Variants in INHBA observed in about 807,000 individuals in gnomAD.
INHBA encodes inhibin beta A chain.
In INHBA, 1 loss-of-function variant was observed where a neutral mutation model predicts 29.0. The observed-to-expected ratio is 0.03, with a 90% CI of 0.01 to 0.16. The LOEUF (loss-of-function observed/expected upper bound fraction) is 0.16, where lower values mean the gene tolerates loss of function less well. INHBA is among the 10% of genes least tolerant of loss of function. The probability of loss-of-function intolerance (pLI) is 1.00; values close to 1 mark genes in which losing one functional copy is unlikely to be tolerated. For synonymous variants in INHBA, 242 were observed against 216.8 expected, an observed-to-expected ratio of 1.12 and a Z score of -1.02; for missense variants, 376 against 545.4, an observed-to-expected ratio of 0.69 and a Z score of 3.09.
At chr7:41,699,102 A>G (rs1411613272) in intron 2 of INHBA, among the ~76,000 whole-genome samples, 1 of 152,208 alleles carries the variant, frequency 6.6e-6, no homozygotes, top group Non-Finnish European at 1.5e-5. Flanking sequence ...CATACTTTTG[A>G]CAGGTATTGC....
At chr7:41,699,866 T>A in intron 2 of INHBA, 121 bp downstream of exon 2, 1 of 748,280 alleles carries the variant, frequency 1.3e-6, no homozygotes. Context: ...TAATAACTAA[T>A]AACCTTCCCA....
At chr7:41,693,560 A>G (rs1794569130) in intron 2 of INHBA, among the ~76,000 whole-genome samples, 1 of 152,168 alleles carries the variant, frequency 6.6e-6, no homozygotes, top group African/African-American at 2.4e-5. Context: ...CTGATGCATG[A>G]TCTAGCCCCA....
In INHBA at chr7:41,690,245, C is replaced by T. The variant is rs138819536; in HGVS notation, c.686G>A (p.Arg229Gln). 6,105 of 1,613,968 alleles carry T rather than the reference C, an allele frequency of 3.8e-3. 15 individuals are homozygous for T. The highest frequency in any genetic ancestry group is 4.7e-3 in the Non-Finnish European group (5,541 of 1,179,998). Residue 229 changes from arginine to glutamine, a missense_variant, in exon 3 of 3, where the codon CGG becomes CAG. Arg to Gln is a conservative substitution (Grantham distance 43). Around this residue, in one of 4 missense-constraint regions of INHBA, gnomAD observed 253 missense variants for 313.4 expected, o/e 0.81. Coordinates refer to ENST00000242208, the MANE Select transcript of INHBA (RefSeq NM_002192.4). ...GGAGCTCTTGCCCTGGTCCAGCAAC[C>T]GCTGGATGCTGCTGGAGACAGGGAA... is the stretch of plus-strand genomic sequence containing the variant. Reference protein sequence around the residue: ...HVFPVSSSIQRLLDQGKSSLD... With the variant: ...HVFPVSSSIQQLLDQGKSSLD...
At chr7:41,699,942 C>CT in intron 2 of INHBA, 45 bp downstream of exon 2, 1 of 141,010 alleles carries the variant, frequency 7.1e-6, no homozygotes, top group Non-Finnish European at 1.5e-5. Flanking sequence ...ATTTTACCCT[C>CT]CCACCCCCCA....
Position 41,688,051 on chromosome 7 carries a change from A to G in INHBA, c.*1599T>C, listed in dbSNP as rs916348629. 2 of 152,182 alleles carry G rather than the reference A, an allele frequency of 1.3e-5. No individual in the cohort carries two copies. The highest frequency in any genetic ancestry group is 2.1e-4 in the South Asian group (1 of 4,834). The allele number at this position is 152,182 out of a possible 1,614,324, so 9.4% of individuals were successfully genotyped here. A position where few individuals can be genotyped will look rare whatever the true frequency, so the allele number is the denominator to read the frequency against. On this transcript the variant is annotated 3_prime_UTR_variant, in exon 3 of 3. Coordinates refer to ENST00000242208, the MANE Select transcript of INHBA (RefSeq NM_002192.4). Reference sequence around the variant, plus strand: ...AATTTCCAGGCTTTTTCCCATCCGAATTTTTGAAATGCGCCCACCTAGTTC... The same window carrying G: ...AATTTCCAGGCTTTTTCCCATCCGAGTTTTTGAAATGCGCCCACCTAGTTC...
chr7:41,700,468 T>C lies in INHBA; in HGVS notation c.-94A>G, dbSNP rs1041432328. The C allele has an allele frequency of 1.6e-6, 2 of 1,218,722 alleles. No individual in the cohort carries two copies. Among genetic ancestry groups the C allele is most frequent in the Admixed American group, 2.8e-5 (1 of 35,872 alleles). 75.5% of individuals were successfully genotyped at this position (1,218,722 alleles called of 1,614,324 possible). A position where few individuals can be genotyped will look rare whatever the true frequency, so the allele number is the denominator to read the frequency against. On this transcript the variant is annotated 5_prime_UTR_variant, in exon 2 of 3. It adds an upstream start codon to the 5' untranslated region. Coordinates refer to ENST00000242208, the MANE Select transcript of INHBA (RefSeq NM_002192.4). ...GTTTTTTTGTGTGTGTGGATTTTTT[T>C]ATTTTTTTTTTTGGTGTTTTTTTTT...
chr7:41,704,144 G>T (rs1045307439), upstream of INHBA, among the ~76,000 whole-genome samples: 1 of 152,160 alleles, frequency 6.6e-6, no homozygotes, highest in Admixed American at 6.5e-5. Flanking sequence ...GATTTAACAT[G>T]CATAAAATAA....
Position 41,690,235 on chromosome 7 carries a change from G to A in INHBA, c.696C>T (p.Asp232=). ...PVSSSIQRLL[D]QGKSSLDVRI... is the part of the protein sequence containing the mutation. ...GAACGTCCAGGGAGCTCTTGCCCTG[G>A]TCCAGCAACCGCTGGATGCTGCTGG... Residue 232 remains aspartate (D), a synonymous_variant, in exon 3 of 3, where the codon GAC becomes GAT. Transcript: ENST00000242208. The A allele has an allele frequency of 1.2e-6, 2 of 1,614,004 alleles. No individual in the cohort carries two copies. The highest frequency in any genetic ancestry group is 1.7e-6 in the Non-Finnish European group (2 of 1,180,010).
At chr7:41,701,481 T>C (rs1173365912) in intron 1 of INHBA, among the ~76,000 whole-genome samples, 3 of 152,130 alleles carry the variant, frequency 2.0e-5, no homozygotes, top group Non-Finnish European at 4.4e-5. Context: ...TGGGGTCATA[T>C]AATACACTCC....
At chr7:41,700,618 T>C (rs1481334252) in intron 1 of INHBA, 101 bp from the exon 2 acceptor site, 2 of 276,776 alleles carry the variant, frequency 7.2e-6, no homozygotes, top group Non-Finnish European at 1.3e-5. Context: ...AGGAGAGTTC[T>C]GACTGTCTCC....
chr7:41,690,248 T>C lies in INHBA; in HGVS notation c.683A>G (p.Gln228Arg). The C allele has an allele frequency of 6.2e-7, 1 of 1,614,080 alleles. No homozygotes were observed. Among genetic ancestry groups the C allele is most frequent in the East Asian group, 2.2e-5 (1 of 44,842 alleles). The change falls in exon 3 of 3, where the codon CAG (glutamine) becomes CGG (arginine). Residue 228 changes from glutamine (Q) to arginine (R), a missense_variant. Gln to Arg is a conservative substitution (Grantham distance 43, BLOSUM62 1). Coordinates refer to ENST00000242208, the MANE Select transcript of INHBA (RefSeq NM_002192.4). Reference sequence around the variant, plus strand: ...GCTCTTGCCCTGGTCCAGCAACCGCTGGATGCTGCTGGAGACAGGGAAGAC... The same window carrying C: ...GCTCTTGCCCTGGTCCAGCAACCGCCGGATGCTGCTGGAGACAGGGAAGAC... ...WHVFPVSSSIQRLLDQGKSSL... is the reference protein window; with the variant it reads ...WHVFPVSSSIRRLLDQGKSSL...
Position 41,689,168 on chromosome 7 carries a change from C to T in INHBA, c.*482G>A. On this transcript the variant is annotated 3_prime_UTR_variant, in exon 3 of 3. Transcript: ENST00000242208. ...GATATACACAGAGATAAGTGTCACA[C>T]AGACATACCTTATGACCTGGGTAAT... is the stretch of plus-strand genomic sequence containing the variant. 1 of 234,276 alleles carries T rather than the reference C, an allele frequency of 4.3e-6. No individual in the cohort carries two copies. The highest frequency in any genetic ancestry group is 8.4e-6 in the Non-Finnish European group (1 of 119,106). 14.5% of individuals were successfully genotyped at this position (234,276 alleles called of 1,614,324 possible).
At chr7:41,704,329 A>G (rs1160292078), upstream of INHBA, among the ~76,000 whole-genome samples, 3 of 151,590 alleles carry the variant, frequency 2.0e-5, no homozygotes, top group Non-Finnish European at 1.5e-5. Flanking sequence ...GTATTCTAAG[A>G]ACTGCATATG....
intron 2 of INHBA, among the ~76,000 whole-genome samples, chr7:41,694,385 A>C (rs947905796): frequency 2.0e-5 from 3 of 152,228 alleles, no homozygotes; most frequent in Non-Finnish European, 1.5e-5. Flanking sequence ...TCCAATCTCC[A>C]TGCATAACAA....
In INHBA at chr7:41,686,545, T is replaced by C. The variant is rs367714593; in HGVS notation, c.*3105A>G. The C allele has an allele frequency of 3.9e-5, 6 of 152,312 alleles. No homozygotes were observed. In the South Asian group the frequency reaches 6.2e-4, roughly 16 times the overall value. 9.4% of individuals were successfully genotyped at this position (152,312 alleles called of 1,614,324 possible). A position where few individuals can be genotyped will look rare whatever the true frequency, so the allele number is the denominator to read the frequency against. Reference sequence around the variant, plus strand: ...GATGATTAAAGATGGTAAAATACTATCTTTCAATGTTATCAAAAAATGGTA... The same window carrying C: ...GATGATTAAAGATGGTAAAATACTACCTTTCAATGTTATCAAAAAATGGTA... On this transcript the variant is annotated 3_prime_UTR_variant, in exon 3 of 3. Coordinates refer to ENST00000242208, the MANE Select transcript of INHBA (RefSeq NM_002192.4).
In INHBA at chr7:41,700,495, C is replaced by A; in HGVS notation, c.-121G>T. ...TTTTTTTTTTTGGTGTTTTTTTTTT[C>A]CTTCTCCTCTTCAGCAAATTCTCTG... is the stretch of plus-strand genomic sequence containing the variant. On this transcript the variant is annotated 5_prime_UTR_variant, in exon 2 of 3. Coordinates refer to ENST00000242208, the MANE Select transcript of INHBA (RefSeq NM_002192.4). 3.3e-6 allele frequency: 3 copies of A among 904,168 alleles called. No individual in the cohort carries two copies. In the South Asian group the frequency reaches 8.1e-5, roughly 24 times the overall value. The allele number at this position is 904,168 out of a possible 1,614,324, so 56.0% of individuals were successfully genotyped here.
Position 41,689,057 on chromosome 7 carries a change from T to G in INHBA, c.*593A>C, listed in dbSNP as rs941478216. On this transcript the variant is annotated 3_prime_UTR_variant, in exon 3 of 3. Transcript: ENST00000242208. ...AGGAAGTGTGACCACCTGCACACGA[T>G]TGTTCTTTTACCAGTATGTGTATAT... 5 of 233,248 alleles carry G rather than the reference T, an allele frequency of 2.1e-5. No homozygotes were observed. The highest frequency in any genetic ancestry group is 5.6e-5 in the Admixed American group (1 of 17,744). 14.4% of individuals were successfully genotyped at this position (233,248 alleles called of 1,614,324 possible).
chr7:41,691,872 G>A (rs1014318826), intron 2 of INHBA: 3 of 152,180 alleles, frequency 2.0e-5, no homozygotes, highest in Non-Finnish European at 4.4e-5. Context: ...GAGCCACCTA[G>A]TACCTCTGAA....
intron 2 of INHBA, among the ~76,000 whole-genome samples, chr7:41,695,979 T>C (rs986807878): frequency 6.6e-6 from 1 of 152,136 alleles, no homozygotes; most frequent in Non-Finnish European, 1.5e-5. Flanking sequence ...CCCTGGCATC[T>C]CCACCACCCC....
Sources: allele counts gnomAD v4.1 joint callset (sites outside exome capture counted in the v4.1 genomes callset), GRCh38; gene constraint gnomAD v4.1.1; regional missense constraint gnomAD v4.1.1; transcripts MANE v1.5; gene names NCBI Gene and HGNC (gene_info 2026-07-23, HGNC 2026-07-21).